Variants in PRPF39 observed in about 807,000 individuals in gnomAD.
PRPF39 encodes the protein pre-mRNA processing factor 39.
A neutral mutation model predicts 82.1 loss-of-function variants in PRPF39; 27 were observed. That is an observed-to-expected ratio of 0.33 (90% CI 0.24 to 0.45). PRPF39 has a LOEUF of 0.45. Ranked by LOEUF, PRPF39 falls within the 20% of genes least tolerant of loss-of-function variation. The pLI is 1.00. For missense variants in PRPF39, 581 were observed against 796.9 expected (o/e 0.73, Z 3.26); for synonymous variants, 261 against 256.4 (o/e 1.02, Z -0.17).
In PRPF39 at chr14:45,102,716, C is replaced by T. The variant is rs752630219; in HGVS notation, c.737+20C>T. On this transcript the variant is annotated intron_variant, in intron 5 of 13. Transcript: ENST00000355765. ...TCAGAGGTAGGTGGGAAATTCTGAT[C>T]ATTGAAACATCTTTGATTACTCAGA... 1 of 1,552,010 alleles carries T rather than the reference C, an allele frequency of 6.4e-7. No homozygotes were observed. The highest frequency in any genetic ancestry group is 1.9e-5 in the Admixed American group (1 of 51,830).
chr14:45,095,274 C>T lies in PRPF39; in HGVS notation c.35C>T (p.Ser12Phe), dbSNP rs1285084950. ...TCTCACATGGATGAATACAGAAATT[C>T]TAGTAATGGCAGCACAGGCAACAGT... ...QNSHMDEYRN[S>F]SNGSTGNSSE... The change falls in exon 2 of 14, where the codon TCT (serine) becomes TTT (phenylalanine). Residue 12 changes from serine (S) to phenylalanine (F), a missense_variant. Transcript: ENST00000355765. 5.6e-6 allele frequency: 9 copies of T among 1,603,022 alleles called. No homozygotes were observed. The highest frequency in any genetic ancestry group is 7.7e-6 in the Non-Finnish European group (9 of 1,171,814).
At chr14:45,092,532 C>T (rs1566690847) in intron 1 of PRPF39, among the ~76,000 whole-genome samples, 1 of 142,558 alleles carries the variant, frequency 7.0e-6, no homozygotes, top group Non-Finnish European at 1.5e-5. Context: ...ACCCGGAAGG[C>T]GAGGGCTGCA....
At chr14:45,101,916 C>T (rs924916376) in intron 4 of PRPF39, among the ~76,000 whole-genome samples, 7 of 151,800 alleles carry the variant, frequency 4.6e-5, no homozygotes, top group Non-Finnish European at 7.4e-5. Flanking sequence ...AAGCAATTCT[C>T]CTGCCTCAGC....
rs936995609 is a variant in PRPF39 at position 45,115,293 on chromosome 14, T to G, written c.*380T>G. The G allele has an allele frequency of 9.1e-6, 1 of 109,508 alleles. No individual in the cohort carries two copies. Among genetic ancestry groups the G allele is most frequent in the African/African-American group, 5.3e-5 (1 of 18,718 alleles). 6.8% of individuals were successfully genotyped at this position (109,508 alleles called of 1,614,324 possible). A position where few individuals can be genotyped will look rare whatever the true frequency, so the allele number is the denominator to read the frequency against. On this transcript the variant is annotated 3_prime_UTR_variant, in exon 14 of 14. Transcript: ENST00000355765. ...CATAAGGGCTGGTTATTTACCTCCTTTTTTTTTTTTTTTTTTAAAGAAAAA... is the reference window on the plus strand; with the variant it reads ...CATAAGGGCTGGTTATTTACCTCCTGTTTTTTTTTTTTTTTTAAAGAAAAA...
chr14:45,093,083 T>C (rs895776170), intron 1 of PRPF39, among the ~76,000 whole-genome samples: 2 of 152,208 alleles, frequency 1.3e-5, no homozygotes, highest in Non-Finnish European at 2.9e-5. Flanking sequence ...TTTTATTTTA[T>C]TTGGTGTAAA....
chr14:45,087,833 C>T (rs187372025), intron 1 of PRPF39, among the ~76,000 whole-genome samples: 25 of 150,672 alleles, frequency 1.7e-4, no homozygotes, highest in African/African-American at 5.1e-4. Flanking sequence ...ATGATCCGCC[C>T]GCCTCAGCCT....
chr14:45,085,700 T>C (rs374271911), intron 1 of PRPF39, among the ~76,000 whole-genome samples: 2 of 152,178 alleles, frequency 1.3e-5, no homozygotes, highest in South Asian at 2.1e-4. Flanking sequence ...TACTTAGCCC[T>C]TAAAAACAGC....
chr14:45,112,196 T>TATGCTAA (rs1242008712), intron 10 of PRPF39, 122 bp from the exon 11 acceptor site: 1 of 881,908 alleles, frequency 1.1e-6, no homozygotes, highest in African/African-American at 1.8e-5. Flanking sequence ...TTAGCATGAG[T>TATGCTAA]TGTATTTTAA....
At chr14:45,091,303 G>C (rs778049562) in intron 1 of PRPF39, among the ~76,000 whole-genome samples, 10 of 152,074 alleles carry the variant, frequency 6.6e-5, no homozygotes, top group Non-Finnish European at 1.3e-4. Flanking sequence ...ACTGTGCCCA[G>C]CTAATTTTTA....
chr14:45,109,301 C>T (rs1476796627), intron 7 of PRPF39, among the ~76,000 whole-genome samples: 1 of 152,210 alleles, frequency 6.6e-6, no homozygotes, highest in East Asian at 1.9e-4. Flanking sequence ...CCACTCCTAG[C>T]ACTAGGCAGC....
chr14:45,111,119 G>T (rs1884683989), intron 10 of PRPF39, among the ~76,000 whole-genome samples: 1 of 152,106 alleles, frequency 6.6e-6, no homozygotes, highest in Admixed American at 6.5e-5. Flanking sequence ...AGAGGACTTG[G>T]GAGAATACTT....
rs1214548981 is a variant in PRPF39 at position 45,109,792 on chromosome 14, A to G, written c.1176+12A>G. ...AGTTTTGGATTAAGGTAAGAAAATCATGTGCTCTTAAACTTGAATATATTA... is the reference window on the plus strand; with the variant it reads ...AGTTTTGGATTAAGGTAAGAAAATCGTGTGCTCTTAAACTTGAATATATTA... On this transcript the variant is annotated intron_variant, in intron 8 of 13. Transcript: ENST00000355765. The G allele has an allele frequency of 6.3e-7, 1 of 1,584,002 alleles. No homozygotes were observed. Among genetic ancestry groups the G allele is most frequent in the Non-Finnish European group, 8.6e-7 (1 of 1,164,794 alleles).
At chr14:45,085,101 G>A (rs1883778986) in intron 1 of PRPF39, among the ~76,000 whole-genome samples, 1 of 152,090 alleles carries the variant, frequency 6.6e-6, no homozygotes, top group Non-Finnish European at 1.5e-5. Context: ...AGCAAGTTTT[G>A]GACAGGGACG....
intron 1 of PRPF39, among the ~76,000 whole-genome samples, chr14:45,087,456 G>A (rs1883868462): frequency 1.3e-5 from 2 of 152,092 alleles, no homozygotes; most frequent in Admixed American, 1.3e-4. Flanking sequence ...TCGTGGGATA[G>A]GGGATCATTC....
At position 45,110,551 on chromosome 14, in the gene PRPF39, A is replaced by G. The variant is rs1566698877; in HGVS notation, c.1306A>G (p.Asn436Asp). 6.4e-7 allele frequency: 1 copy of G among 1,555,862 alleles called. No individual in the cohort carries two copies. Among genetic ancestry groups the G allele is most frequent in the Non-Finnish European group, 8.7e-7 (1 of 1,148,146 alleles). Residue 436 changes from asparagine (N) to aspartate (D), a missense_variant and splice_region_variant, in exon 10 of 14, where the codon AAT becomes GAT. Asn to Asp is a conservative substitution (Grantham distance 23). Transcript: ENST00000355765. This position sits in a 1 kb window ranked among gnomAD's most constrained non-coding sequence, Gnocchi z 4.0. ...AAACATTTAATTACTGTTTCTAGGTAATATTAATGAAGCCAGGAATATCTT... is the reference window on the plus strand; with the variant it reads ...AAACATTTAATTACTGTTTCTAGGTGATATTAATGAAGCCAGGAATATCTT... ...LWAAFEEQQG[N>D]INEARNILKT...
intron 4 of PRPF39, among the ~76,000 whole-genome samples, chr14:45,097,378 TTA>T (rs951590983): frequency 6.6e-6 from 1 of 152,170 alleles, no homozygotes; most frequent in African/African-American, 2.4e-5. Context: ...TTATAATACT[TTA>T]TAAAAAGTAT....
At chr14:45,087,717 G>GCGC (rs1420413317) in intron 1 of PRPF39, among the ~76,000 whole-genome samples, 9 of 151,242 alleles carry the variant, frequency 6.0e-5, no homozygotes, top group Non-Finnish European at 1.3e-4. Flanking sequence ...GGGACTACAG[G>GCGC]CGCCCGTCAC....
At chr14:45,093,577 C>T (rs1419625197) in intron 1 of PRPF39, among the ~76,000 whole-genome samples, 9 of 132,322 alleles carry the variant, frequency 6.8e-5, no homozygotes, top group Non-Finnish European at 1.1e-4. Context: ...TTTTTTGAGA[C>T]GGAGTTTCAC....
At chr14:45,103,408 A>G (rs1884433768) in intron 5 of PRPF39, among the ~76,000 whole-genome samples, 1 of 151,890 alleles carries the variant, frequency 6.6e-6, no homozygotes, top group African/African-American at 2.4e-5. Context: ...ATTTTTTGTT[A>G]TAATTTTTAT....
Sources: gnomAD v4.1 joint callset for allele counts (sites outside exome capture counted in the v4.1 genomes callset) on GRCh38, gnomAD v4.1.1 for gene constraint, Gnocchi (gnomAD v3.1) non-coding constraint, MANE v1.5 for transcripts, NCBI Gene and HGNC (gene_info 2026-07-23, HGNC 2026-07-21) for gene names.